The following TMEM192 variants were observed in gnomAD, a reference collection of about 807,000 sequenced individuals.
TMEM192 encodes the protein transmembrane protein 192.
A neutral mutation model predicts 26.7 loss-of-function variants in TMEM192; 20 were observed. The ratio of observed to expected loss-of-function variants is 0.75; its 90% CI spans 0.53 to 1.09. The LOEUF (loss-of-function observed/expected upper bound fraction) is 1.09, where lower values mean the gene tolerates loss of function less well. TMEM192 is among the 50% of genes least tolerant of loss of function. The pLI, the probability that TMEM192 is intolerant of heterozygous loss-of-function variation, is 0.00. For synonymous variants in TMEM192, 124 were observed against 121.0 expected (o/e 1.02, Z -0.16); for missense variants, 304 against 322.6 (o/e 0.94, Z 0.44).
intron 4 of TMEM192, 66 bp downstream of exon 4, chr4:165,088,402 C>T (rs1184220010): frequency 3.3e-6 from 5 of 1,537,624 alleles, no homozygotes; most frequent in Non-Finnish European, 4.4e-6. Context: ...ATGGGCTATA[C>T]TTTAAACTGG....
Position 165,070,918 on chromosome 4 carries a change from T to C in TMEM192, c.*8740A>G, listed in dbSNP as rs959462868. 4 of 152,314 alleles carry C rather than the reference T, an allele frequency of 2.6e-5. No individual in the cohort carries two copies. The highest frequency in any genetic ancestry group is 1.9e-4 in the East Asian group (1 of 5,190). 9.4% of individuals were successfully genotyped at this position (152,314 alleles called of 1,614,324 possible). A position where few individuals can be genotyped will look rare whatever the true frequency, so the allele number is the denominator to read the frequency against. On this transcript the variant is annotated 3_prime_UTR_variant, in exon 6 of 6. Transcript: ENST00000306480. Reference sequence around the variant, plus strand: ...GAAGGACACAGTAGTAAGCAAAAGATAGAGCTTACATTCTATCAGGAGACA... The same window carrying C: ...GAAGGACACAGTAGTAAGCAAAAGACAGAGCTTACATTCTATCAGGAGACA...
chr4:165,096,960 T>C (rs201397676), intron 3 of TMEM192, among the ~76,000 whole-genome samples: 4 of 4,906 alleles, frequency 8.2e-4, no homozygotes, highest in Non-Finnish European at 6.2e-3. Context: ...TTAAGTTTTT[T>C]CTTTTTTTTT....
chr4:165,096,356 G>T (rs185310685), intron 3 of TMEM192, among the ~76,000 whole-genome samples: 1 of 151,664 alleles, frequency 6.6e-6, no homozygotes, highest in Non-Finnish European at 1.5e-5. Context: ...AGTTAGCTGA[G>T]TTCATACCAC....
At chr4:165,090,398 T>A (rs1158747619) in intron 3 of TMEM192, among the ~76,000 whole-genome samples, 9 of 150,894 alleles carry the variant, frequency 6.0e-5, no homozygotes, top group Non-Finnish European at 1.2e-4. Flanking sequence ...AAAAAAAATC[T>A]ATTGAACAAT....
chr4:165,101,877 C>T (rs183671046), intron 2 of TMEM192, among the ~76,000 whole-genome samples: 42 of 152,282 alleles, frequency 2.8e-4, no homozygotes, highest in African/African-American at 8.9e-4. Context: ...GGATACGGTC[C>T]CTGCAGACAG....
intron 1 of TMEM192, among the ~76,000 whole-genome samples, chr4:165,111,424 C>T (rs954719821): frequency 2.0e-5 from 3 of 152,178 alleles, no homozygotes; most frequent in Non-Finnish European, 4.4e-5. Flanking sequence ...AAGCAGATTT[C>T]TAGTACTATA....
intron 1 of TMEM192, among the ~76,000 whole-genome samples, chr4:165,111,902 T>C (rs528856352): frequency 1.6e-4 from 25 of 152,332 alleles, no homozygotes; most frequent in African/African-American, 6.0e-4. Flanking sequence ...CTGTCAACTT[T>C]GCATTTCTCA....
At chr4:165,095,950 ATTT>A (rs35383218) in intron 3 of TMEM192, among the ~76,000 whole-genome samples, 80,619 of 136,156 alleles carry the variant, frequency 0.59, 24,358 homozygotes, top group East Asian at 0.79. Flanking sequence ...TGCCCAGCTA[ATTT>A]TTTTTTTTTT....
intron 4 of TMEM192, among the ~76,000 whole-genome samples, chr4:165,086,580 C>A (rs765699861): frequency 6.6e-6 from 1 of 152,016 alleles, no homozygotes; most frequent in Admixed American, 6.6e-5. Context: ...CACCACCACA[C>A]CCAGCTAATT....
chr4:165,103,176 G>A, intron 1 of TMEM192, 80 bp from the exon 2 acceptor site: 1 of 1,333,586 alleles, frequency 7.5e-7, no homozygotes, highest in South Asian at 2.3e-5. Flanking sequence ...AAACTACAGA[G>A]CTTTTTAACC....
chr4:165,102,554 T>C (rs1435644285), intron 2 of TMEM192, among the ~76,000 whole-genome samples: 1 of 152,148 alleles, frequency 6.6e-6, no homozygotes, highest in East Asian at 1.9e-4. Context: ...AATGTAATCA[T>C]GAAGGCTATT....
intron 3 of TMEM192, among the ~76,000 whole-genome samples, chr4:165,089,243 C>T (rs1318859363): frequency 6.6e-6 from 1 of 151,654 alleles, no homozygotes; most frequent in Non-Finnish European, 1.5e-5. Context: ...GTAGACTCCT[C>T]ACCCCCAACC....
intron 5 of TMEM192, 137 bp downstream of exon 5, chr4:165,085,449 C>T (rs1734589799): frequency 1.6e-6 from 1 of 640,126 alleles, no homozygotes; most frequent in South Asian, 2.2e-5. Flanking sequence ...GACTTGATTT[C>T]ACCACAGCTG....
intron 3 of TMEM192, among the ~76,000 whole-genome samples, chr4:165,095,189 T>C (rs1301564895): frequency 2.6e-5 from 4 of 152,096 alleles, no homozygotes; most frequent in African/African-American, 9.7e-5. Context: ...AAATAATGCT[T>C]ATCACACAGG....
chr4:165,086,522 T>A (rs1421334263), intron 4 of TMEM192, among the ~76,000 whole-genome samples: 1 of 150,382 alleles, frequency 6.6e-6, no homozygotes, highest in Non-Finnish European at 1.5e-5. Context: ...GCCTCCTAGG[T>A]TCAAGCAATT....
At chr4:165,093,968 T>C (rs904558426) in intron 3 of TMEM192, among the ~76,000 whole-genome samples, 18 of 152,158 alleles carry the variant, frequency 1.2e-4, no homozygotes, top group African/African-American at 4.3e-4. Flanking sequence ...GACATGATCT[T>C]GGCTGACTGT....
At chr4:165,112,676 C>CCGCCCCGTG (rs1345927489) in intron 1 of TMEM192, 71 bp downstream of exon 1, 3 of 1,591,782 alleles carry the variant, frequency 1.9e-6, no homozygotes, top group South Asian at 1.1e-5. Flanking sequence ...CTCTGAGTCT[C>CCGCCCCGTG]CGCCCCGTGC....
chr4:165,105,452 T>A (rs1286287897), intron 1 of TMEM192, among the ~76,000 whole-genome samples: 1 of 152,166 alleles, frequency 6.6e-6, no homozygotes, highest in Non-Finnish European at 1.5e-5. Context: ...GCTTTCTAGC[T>A]GAGAGCAAGT....
At chr4:165,098,559 A>C (rs1424125691) in intron 3 of TMEM192, among the ~76,000 whole-genome samples, 1 of 147,716 alleles carries the variant, frequency 6.8e-6, no homozygotes, top group Non-Finnish European at 1.5e-5. Flanking sequence ...CAATCCTCCT[A>C]CCTTGGCCTC....
Sources: allele counts gnomAD v4.1 joint callset (sites outside exome capture counted in the v4.1 genomes callset), GRCh38; gene constraint gnomAD v4.1.1; transcripts MANE v1.5; gene names NCBI Gene and HGNC (gene_info 2026-07-23, HGNC 2026-07-21).